Variants in LRTM2 observed in about 807,000 individuals in gnomAD.
LRTM2 encodes the protein leucine rich repeat transmembrane protein 2.
A neutral mutation model predicts 28.1 loss-of-function variants in LRTM2; 18 were observed. That is an observed-to-expected ratio of 0.64 (90% confidence interval 0.44 to 0.95). LRTM2 has a LOEUF of 0.95. LRTM2 is among the 40% of genes least tolerant of loss of function. LRTM2 has a pLI of 0.00. For synonymous variants in LRTM2, 250 were observed against 218.7 expected (o/e 1.14, Z -1.26); for missense variants, 436 against 497.2 (o/e 0.88, Z 1.17).
intron 3 of LRTM2, 28 bp from the exon 4 acceptor site, chr12:1,830,907 C>G: frequency 6.4e-7 from 1 of 1,561,156 alleles, no homozygotes; most frequent in Non-Finnish European, 8.7e-7. Flanking sequence ...CTATTGCTTT[C>G]TTTCCCCCGT....
At position 1,828,591 on chromosome 12, in the gene LRTM2, C is replaced by A. The variant is rs1864469702; in HGVS notation, c.67+376C>A. On this transcript the variant is annotated intron_variant, in intron 3 of 4. Transcript: ENST00000299194. This position sits in a 1 kb window ranked among gnomAD's most constrained non-coding sequence, Gnocchi z 4.2. Reference sequence around the variant, plus strand: ...TGCCTGAGCTTGTCGGCCTGTGTCACAGACTGCGGCGAGCCCTTTTGCTCC... The same window carrying A: ...TGCCTGAGCTTGTCGGCCTGTGTCAAAGACTGCGGCGAGCCCTTTTGCTCC... Among the ~76,000 whole-genome samples, 1 of 152,224 alleles carries A rather than the reference C, an allele frequency of 6.6e-6. No homozygotes were observed. Among genetic ancestry groups the A allele is most frequent in the Admixed American group, 6.5e-5 (1 of 15,290 alleles).
At chr12:1,826,107 A>G (rs921386808) in intron 1 of LRTM2, among the ~76,000 whole-genome samples, 1 of 152,062 alleles carries the variant, frequency 6.6e-6, no homozygotes, top group Non-Finnish European at 1.5e-5. Flanking sequence ...TGGGATCGGG[A>G]AAGAAAGCCG....
chr12:1,834,488 C>G lies in LRTM2; in HGVS notation c.880C>G (p.Pro294Ala). Residue 294 changes from proline (P) to alanine (A), a missense_variant, in exon 5 of 5, where the codon CCA becomes GCA. Pro to Ala is a conservative substitution (Grantham distance 27). Transcript: ENST00000299194. This position sits in a 1 kb window ranked among gnomAD's most constrained non-coding sequence, Gnocchi z 7.6. ...EPEPEPSTAC[P>A]QKQRHRPASV... ...GGAGCCGGAGCCCAGCACAGCCTGC[C>G]CACAGAAGCAGAGGCACCGGCCGGC... 1 of 1,609,682 alleles carries G rather than the reference C, an allele frequency of 6.2e-7. No homozygotes were observed. Among genetic ancestry groups the G allele is most frequent in the Non-Finnish European group, 8.5e-7 (1 of 1,179,876 alleles).
At chr12:1,826,802 A>G (rs1485103386) in intron 1 of LRTM2, among the ~76,000 whole-genome samples, 2 of 152,170 alleles carry the variant, frequency 1.3e-5, no homozygotes, top group Non-Finnish European at 1.5e-5. Flanking sequence ...AGAGGGGAGA[A>G]GATGGGGGCA....
At chr12:1,825,051 C>A (rs1382185034) in intron 1 of LRTM2, among the ~76,000 whole-genome samples, 1 of 152,244 alleles carries the variant, frequency 6.6e-6, no homozygotes, top group Non-Finnish European at 1.5e-5. Flanking sequence ...ATACCAGGAT[C>A]AACAGTGTCC....
intron 1 of LRTM2, among the ~76,000 whole-genome samples, chr12:1,826,999 A>G (rs1176754739): frequency 2.0e-5 from 3 of 152,170 alleles, no homozygotes; most frequent in African/African-American, 4.8e-5. Context: ...GGAGGCTGCA[A>G]CCAGGAATTA....
In LRTM2 at chr12:1,834,818, C is replaced by T. The variant is rs1207691433; in HGVS notation, c.*97C>T. 4.1e-6 allele frequency: 6 copies of T among 1,448,796 alleles called. No homozygotes were observed. The highest frequency in any genetic ancestry group is 5.4e-6 in the Non-Finnish European group (6 of 1,104,590). The allele number at this position is 1,448,796 out of a possible 1,614,324, so 89.7% of individuals were successfully genotyped here. On this transcript the variant is annotated 3_prime_UTR_variant, in exon 5 of 5. Transcript: ENST00000299194. The surrounding 1 kb of genome is among the most constrained non-coding windows in gnomAD (Gnocchi z 7.6). Reference sequence around the variant, plus strand: ...CTTGACCCGGCGCTGGCCACTGCCTCCCCGAGTCCACCCTCCTCCCCGCCC... The same window carrying T: ...CTTGACCCGGCGCTGGCCACTGCCTTCCCGAGTCCACCCTCCTCCCCGCCC...
rs866684672 is a variant in LRTM2 at position 1,831,294 on chromosome 12, C to T, written c.427C>T (p.Arg143Cys). 1.1e-5 allele frequency: 18 copies of T among 1,613,580 alleles called. No homozygotes were observed. Among genetic ancestry groups the T allele is most frequent in the Middle Eastern group, 1.6e-4 (1 of 6,084 alleles). The stretch of plus-strand genomic sequence containing the variant: ...CCTGCTGCGGCACTCGCCGCTGCTC[C>T]GCCACCTGGACCTGTCCATCAACGG... ...RDLLRHSPLL[R>C]HLDLSINGLA... The change falls in exon 4 of 5, where the codon CGC (arginine) becomes TGC (cysteine). Residue 143 changes from arginine to cysteine, a missense_variant. Arg to Cys is a radical substitution (Grantham distance 180, BLOSUM62 -3). Transcript: ENST00000299194.
Position 1,828,095 on chromosome 12 carries a change from C to T in LRTM2, c.-54C>T. ...CCTCAGGACTGACAGGCGGCGCACC[C>T]AGGGGCTCCTCTCTCCCCAGAGCGA... On this transcript the variant is annotated 5_prime_UTR_variant, in exon 3 of 5. Coordinates refer to ENST00000299194, the MANE Select transcript of LRTM2 (RefSeq NM_001039029.3). This position sits in a 1 kb window ranked among gnomAD's most constrained non-coding sequence, Gnocchi z 4.2. 1 of 1,460,830 alleles carries T rather than the reference C, an allele frequency of 6.8e-7. No homozygotes were observed. The highest frequency in any genetic ancestry group is 9.1e-7 in the Non-Finnish European group (1 of 1,100,242). The allele number at this position is 1,460,830 out of a possible 1,614,324, so 90.5% of individuals were successfully genotyped here.
In LRTM2 at chr12:1,835,706, C is replaced by T. The variant is rs1016241919; in HGVS notation, c.*985C>T. ...CCTGCTGGGCTTTCCCGGGATACCA[C>T]CCAGGGGCCTGGAGCGGCTGCATGT... On this transcript the variant is annotated 3_prime_UTR_variant, in exon 5 of 5. Transcript: ENST00000299194. 1.3e-5 allele frequency: 2 copies of T among 152,748 alleles called. No homozygotes were observed. The highest frequency in any genetic ancestry group is 1.3e-4 in the Admixed American group (2 of 15,290). 9.5% of individuals were successfully genotyped at this position (152,748 alleles called of 1,614,324 possible). A position where few individuals can be genotyped will look rare whatever the true frequency, so the allele number is the denominator to read the frequency against.
chr12:1,827,833 C>T (rs189044741), intron 2 of LRTM2: 31 of 339,378 alleles, frequency 9.1e-5, no homozygotes, highest in African/African-American at 2.7e-4. Context: ...CATGGGTGCA[C>T]CCCCAGCTTT....
rs1456905844 is a variant in LRTM2 at position 1,828,390 on chromosome 12, C to T, written c.67+175C>T. Reference sequence around the variant, plus strand: ...GAAGCCAGGGTCACGCCCACGGTGACAGCATCCCTGCCAGTCAGAGTCACC... The same window carrying T: ...GAAGCCAGGGTCACGCCCACGGTGATAGCATCCCTGCCAGTCAGAGTCACC... On this transcript the variant is annotated intron_variant, in intron 3 of 4. Coordinates refer to ENST00000299194, the MANE Select transcript of LRTM2 (RefSeq NM_001039029.3). This position sits in a 1 kb window ranked among gnomAD's most constrained non-coding sequence, Gnocchi z 4.2. 1.3e-5 allele frequency among the ~76,000 whole-genome samples: 2 copies of T among 152,224 alleles called. No individual in the cohort carries two copies. Among genetic ancestry groups the T allele is most frequent in the Non-Finnish European group, 2.9e-5 (2 of 68,024 alleles).
At position 1,831,004 on chromosome 12, in the gene LRTM2, A is replaced by G; in HGVS notation, c.137A>G (p.Asp46Gly). Residue 46 changes from aspartate (D) to glycine (G), a missense_variant, in exon 4 of 5, where the codon GAC (aspartate) becomes GGC (glycine). Coordinates refer to ENST00000299194, the MANE Select transcript of LRTM2 (RefSeq NM_001039029.3). ...LPTCPFSCKCDSRSLEVDCSG... is the reference protein window; with the variant it reads ...LPTCPFSCKCGSRSLEVDCSG... ...ACCTGCCCTTTCTCCTGCAAGTGTG[A>G]CAGCCGCAGCCTGGAGGTGGACTGC... The G allele has an allele frequency of 6.2e-7, 1 of 1,614,014 alleles. No individual in the cohort carries two copies.
intron 1 of LRTM2, 147 bp from the exon 2 acceptor site, chr12:1,827,263 G>A (rs1414809076): frequency 7.3e-6 from 1 of 136,464 alleles, no homozygotes; most frequent in Admixed American, 7.4e-5. Context: ...CTGTGTCCCA[G>A]TTGGGAGACA....
At position 1,834,388 on chromosome 12, in the gene LRTM2, T is replaced by C; in HGVS notation, c.780T>C (p.Ala260=). ...CSQLEDENSS[A]GLDIPGPPCT... Reference sequence around the variant, plus strand: ...AGCTGGAGGACGAGAATAGCTCAGCTGGGCTGGATATTCCTGGGCCACCCT... The same window carrying C: ...AGCTGGAGGACGAGAATAGCTCAGCCGGGCTGGATATTCCTGGGCCACCCT... Residue 260 remains alanine (A), a synonymous_variant, in exon 5 of 5, where the codon GCT becomes GCC. Coordinates refer to ENST00000299194, the MANE Select transcript of LRTM2 (RefSeq NM_001039029.3). The surrounding 1 kb of genome is among the most constrained non-coding windows in gnomAD (Gnocchi z 7.6). 2 of 1,613,154 alleles carry C rather than the reference T, an allele frequency of 1.2e-6. No individual in the cohort carries two copies. The highest frequency in any genetic ancestry group is 1.7e-6 in the Non-Finnish European group (2 of 1,180,008).
intron 1 of LRTM2, among the ~76,000 whole-genome samples, chr12:1,822,466 C>T (rs1476638997): frequency 6.8e-6 from 1 of 146,052 alleles, no homozygotes; most frequent in Admixed American, 6.8e-5. Flanking sequence ...CTGAGCCCAG[C>T]CCCAGGGACA....
At chr12:1,830,893 C>T (rs200790248) in intron 3 of LRTM2, 42 bp from the exon 4 acceptor site, 58 of 1,497,178 alleles carry the variant, frequency 3.9e-5, no homozygotes, top group South Asian at 3.1e-4. Context: ...GGTGGTGACC[C>T]GTCCTATTGC....
chr12:1,824,294 T>G (rs1272040553), intron 1 of LRTM2, among the ~76,000 whole-genome samples: 1 of 152,174 alleles, frequency 6.6e-6, no homozygotes, highest in Non-Finnish European at 1.5e-5. Flanking sequence ...TCTGACTCAG[T>G]CATTCTGGAT....
intron 1 of LRTM2, among the ~76,000 whole-genome samples, chr12:1,825,768 G>T (rs962519761): frequency 6.4e-4 from 97 of 152,288 alleles, no homozygotes; most frequent in South Asian, 1.0e-3. Context: ...TCCCTGAAAG[G>T]GCCACTGCTG....
Sources: allele counts gnomAD v4.1 joint callset (sites outside exome capture counted in the v4.1 genomes callset), GRCh38; gene constraint gnomAD v4.1.1; non-coding constraint Gnocchi (gnomAD v3.1); transcripts MANE v1.5; gene names NCBI Gene and HGNC (gene_info 2026-07-23, HGNC 2026-07-21).